NCALD: variants seen among roughly 807,000 people sequenced by gnomAD.
NCALD encodes neurocalcin delta, also known as neurocalcin-delta.
Under a neutral mutation model 18.6 loss-of-function variants are expected in NCALD, and 10 were observed. That is an observed-to-expected ratio of 0.54 (90% CI 0.33 to 0.91). The LOEUF (loss-of-function observed/expected upper bound fraction) is 0.91. Ranked by LOEUF, NCALD falls within the 40% of genes least tolerant of loss-of-function variation. The pLI, the probability that NCALD is intolerant of heterozygous loss-of-function variation, is 0.03. For missense variants in NCALD, 184 were observed against 247.6 expected, an observed-to-expected ratio of 0.74 and a Z score of 1.72; for synonymous variants, 88 against 87.4, an observed-to-expected ratio of 1.01 and a Z score of -0.04.
At chr8:101,829,551 G>A (rs1814082276) in intron 4 of NCALD, among the ~76,000 whole-genome samples, 1 of 152,070 alleles carries the variant, frequency 6.6e-6, no homozygotes, top group Non-Finnish European at 1.5e-5. Context: ...CTCAATCTCT[G>A]CCTAGTGGGC....
chr8:102,082,226 C>CTTTTTTTTTTTTT (rs757875219), intron 1 of NCALD, among the ~76,000 whole-genome samples: 4 of 71,830 alleles, frequency 5.6e-5, no homozygotes, highest in Admixed American at 1.7e-4. Context: ...GAAGCTCTCT[C>CTTTTTTTTTTTTT]TTTTTTTTTT....
chr8:102,124,658 T>G (rs1826056279), upstream of NCALD: 1 of 152,546 alleles, frequency 6.6e-6, no homozygotes, highest in Non-Finnish European at 1.5e-5. Flanking sequence ...AGATTCAGCC[T>G]AGAGCACCTC....
chr8:101,738,459 G>A (rs1322334971), intron 1 of NCALD, among the ~76,000 whole-genome samples: 1 of 150,402 alleles, frequency 6.6e-6, no homozygotes, highest in Non-Finnish European at 1.5e-5. Context: ...CAGGAGAATC[G>A]CTTGAACCTG....
At chr8:101,929,726 G>A (rs535096324) in intron 2 of NCALD, among the ~76,000 whole-genome samples, 160 of 151,654 alleles carry the variant, frequency 1.1e-3, no homozygotes, top group African/African-American at 3.7e-3. Context: ...GCAGATCCAG[G>A]TTTGTGGGGT....
chr8:101,838,324 T>A (rs1241160929), intron 4 of NCALD, among the ~76,000 whole-genome samples: 1 of 152,012 alleles, frequency 6.6e-6, no homozygotes, highest in African/African-American at 2.4e-5. Flanking sequence ...CAGGTTCAAG[T>A]GATTCTCCTG....
intron 4 of NCALD, among the ~76,000 whole-genome samples, chr8:101,879,676 T>G (rs980712307): frequency 1.3e-5 from 2 of 152,190 alleles, no homozygotes; most frequent in African/African-American, 4.8e-5. Context: ...CTGATTGGTC[T>G]GTTTTACAGA....
Position 102,053,723 on chromosome 8 carries a change from T to G in NCALD, c.-209-33434A>C, listed in dbSNP as rs180820536. On this transcript the variant is annotated intron_variant, in intron 1 of 6. Transcript: ENST00000311028. ...GTAATCTTTTAGGATTTCAATGGCCTCTCATTTTTTATGTATTTTTACTTT... is the reference window on the plus strand; with the variant it reads ...GTAATCTTTTAGGATTTCAATGGCCGCTCATTTTTTATGTATTTTTACTTT... Among the ~76,000 whole-genome samples the G allele has an allele frequency of 3.3e-5, 5 of 152,358 alleles. No homozygotes were observed. The East Asian group carries it at 9.6e-4, about 29-fold the overall frequency.
chr8:101,878,102 G>A (rs1295290841), intron 4 of NCALD, among the ~76,000 whole-genome samples: 2 of 152,106 alleles, frequency 1.3e-5, no homozygotes, highest in African/African-American at 4.8e-5. Flanking sequence ...GCCAAGGGTG[G>A]GAAAAACATA....
At chr8:102,120,901 C>T (rs1825926296) in intron 1 of NCALD, among the ~76,000 whole-genome samples, 1 of 152,156 alleles carries the variant, frequency 6.6e-6, no homozygotes, top group Non-Finnish European at 1.5e-5. Flanking sequence ...AACTCATGTG[C>T]TCTATCCCTG....
intron 1 of NCALD, among the ~76,000 whole-genome samples, chr8:102,120,420 G>T (rs1214305937): frequency 6.6e-6 from 1 of 152,178 alleles, no homozygotes; most frequent in East Asian, 1.9e-4. Context: ...GTCATTGTGA[G>T]CAATGCCGGG....
At chr8:101,716,383 G>A (rs986580592) in intron 2 of NCALD, among the ~76,000 whole-genome samples, 3 of 152,016 alleles carry the variant, frequency 2.0e-5, no homozygotes, top group Admixed American at 6.6e-5. Context: ...ACGGGTTGAT[G>A]GGTGCAGCAA....
rs559748436 is a variant in NCALD, at chr8:102,001,252, G to A, written c.-157+18985C>T. Among the ~76,000 whole-genome samples, 150 of 152,264 alleles carry A rather than the reference G, an allele frequency of 9.9e-4. 1 individual carries two copies. The highest frequency in any genetic ancestry group is 5.4e-3 in the Admixed American group (82 of 15,296). The stretch of plus-strand genomic sequence containing the variant: ...ACGCACAAGCCTCAGTAGCTGATTC[G>A]ATCAACTGGAAGAAAGGGTATCAGT... On this transcript the variant is annotated intron_variant, in intron 2 of 6. Transcript: ENST00000311028.
At chr8:102,022,523 G>C (rs1024152500) in intron 1 of NCALD, among the ~76,000 whole-genome samples, 7 of 152,106 alleles carry the variant, frequency 4.6e-5, no homozygotes, top group African/African-American at 1.7e-4. Flanking sequence ...TTAAAATGTA[G>C]GGGGATTCTG....
At chr8:101,792,844 G>A (rs1812494749), upstream of NCALD, among the ~76,000 whole-genome samples, 1 of 150,940 alleles carries the variant, frequency 6.6e-6, no homozygotes, top group South Asian at 2.1e-4. Flanking sequence ...AAACTGCAGT[G>A]CCACATTCTG....
intron 2 of NCALD, among the ~76,000 whole-genome samples, chr8:101,984,844 C>G (rs746602254): frequency 6.6e-6 from 1 of 152,130 alleles, no homozygotes; most frequent in Non-Finnish European, 1.5e-5. Flanking sequence ...CAACTCTACC[C>G]AGGGGGTACC....
At chr8:101,945,790 T>C (rs576749886) in intron 2 of NCALD, among the ~76,000 whole-genome samples, 2 of 152,352 alleles carry the variant, frequency 1.3e-5, no homozygotes, top group South Asian at 4.1e-4. Context: ...CCTAAGCTTC[T>C]AGAGAACCTA....
At chr8:101,958,370 C>G (rs1036092710) in intron 2 of NCALD, among the ~76,000 whole-genome samples, 1 of 151,954 alleles carries the variant, frequency 6.6e-6, no homozygotes, top group African/African-American at 2.4e-5. Context: ...GGAATTTACT[C>G]GTACAGCATA....
At chr8:101,775,025 C>T (rs1811735032) in intron 1 of NCALD, among the ~76,000 whole-genome samples, 1 of 152,148 alleles carries the variant, frequency 6.6e-6, no homozygotes. Flanking sequence ...TAGGTTGCTC[C>T]TCACAAATAG....
intron 4 of NCALD, among the ~76,000 whole-genome samples, chr8:101,822,782 G>GCCC (rs1199779999): frequency 6.6e-6 from 1 of 152,140 alleles, no homozygotes; most frequent in East Asian, 1.9e-4. Flanking sequence ...CAGGGTGCTG[G>GCCC]CCCCCCTCTG....
Sources: gnomAD v4.1 joint callset for allele counts (sites outside exome capture counted in the v4.1 genomes callset) on GRCh38, gnomAD v4.1.1 for gene constraint, MANE v1.5 for transcripts, NCBI Gene and HGNC (gene_info 2026-07-23, HGNC 2026-07-21) for gene names.